Variants in FGF10 observed in about 807,000 individuals in gnomAD.
FGF10 encodes fibroblast growth factor 10.
FGF10 carries 2 observed loss-of-function variants against 19.8 expected under a neutral mutation model. The observed-to-expected ratio is 0.10, with a 90% CI of 0.04 to 0.32. The LOEUF is 0.32. FGF10 is among the 10% of genes least tolerant of loss of function. FGF10 has a pLI of 1.00. For missense variants in FGF10, 191 were observed against 246.3 expected, an observed-to-expected ratio of 0.78 and a Z score of 1.50; for synonymous variants, 112 against 94.0, an observed-to-expected ratio of 1.19 and a Z score of -1.10.
chr5:44,387,888 T>C (rs1216358981), intron 1 of FGF10, among the ~76,000 whole-genome samples: 1 of 152,082 alleles, frequency 6.6e-6, no homozygotes, highest in Non-Finnish European at 1.5e-5. Flanking sequence ...GCCCCTATAA[T>C]TGACAGCGGA....
chr5:44,319,541 T>TA (rs1474971612), intron 1 of FGF10, among the ~76,000 whole-genome samples: 2 of 152,142 alleles, frequency 1.3e-5, no homozygotes, highest in African/African-American at 2.4e-5. Flanking sequence ...TTTAAATACT[T>TA]AATATGGAAT....
At chr5:44,322,432 T>G (rs1027535906) in intron 1 of FGF10, among the ~76,000 whole-genome samples, 1 of 152,186 alleles carries the variant, frequency 6.6e-6, no homozygotes, top group African/African-American at 2.4e-5. Context: ...AGCTGGTACA[T>G]GATCACTTAC....
At position 44,301,816 on chromosome 5, in the gene FGF10, G is replaced by A. The variant is rs777174658; in HGVS notation, c.*3179C>T. Among the ~76,000 whole-genome samples the A allele has an allele frequency of 6.6e-6, 1 of 152,110 alleles. No homozygotes were observed. Among genetic ancestry groups the A allele is most frequent in the Non-Finnish European group, 1.5e-5 (1 of 68,028 alleles). On this transcript the variant is annotated 3_prime_UTR_variant, in exon 3 of 3. Transcript: ENST00000264664. ...CTTGAGCTTCTCTCTTTATTACCAG[G>A]TAGAGTTTCTGACTAATAAAACAAA... is the stretch of plus-strand genomic sequence containing the variant.
chr5:44,308,463 T>C (rs1740133903), intron 2 of FGF10, among the ~76,000 whole-genome samples: 1 of 152,168 alleles, frequency 6.6e-6, no homozygotes, highest in African/African-American at 2.4e-5. Context: ...ATGTGTGTTG[T>C]TATCTCTTCA....
At chr5:44,322,296 C>G (rs1380695026) in intron 1 of FGF10, among the ~76,000 whole-genome samples, 2 of 152,124 alleles carry the variant, frequency 1.3e-5, no homozygotes, top group Admixed American at 1.3e-4. Context: ...TTCAAGTCAG[C>G]AAAAGGGTCT....
At position 44,337,111 on chromosome 5, in the gene FGF10, G is replaced by T. The variant is rs187932220; in HGVS notation, c.326-26581C>A. ...CAAAAATAGGCTTTAACATCTAGTG[G>T]TTTCACCTGTGAATGTTATTACATT... On this transcript the variant is annotated intron_variant, in intron 1 of 2. Transcript: ENST00000264664. Among the ~76,000 whole-genome samples, 690 of 150,684 alleles carry T rather than the reference G, an allele frequency of 4.6e-3. 1 individual carries two copies. The highest frequency in any genetic ancestry group is 0.014 in the Middle Eastern group (4 of 292).
intron 1 of FGF10, among the ~76,000 whole-genome samples, chr5:44,315,006 T>C (rs10473353): frequency 0.3 from 44,923 of 151,930 alleles, 6,800 homozygotes; most frequent in Admixed American, 0.4. Context: ...AACATAAATA[T>C]ACAATGGAAT....
Position 44,336,851 on chromosome 5 carries a change from T to C in FGF10, c.326-26321A>G, listed in dbSNP as rs546668451. 3.0e-4 allele frequency among the ~76,000 whole-genome samples: 46 copies of C among 152,280 alleles called. 3 individuals carry two copies. The South Asian group carries it at 8.9e-3, about 29-fold the overall frequency. On this transcript the variant is annotated intron_variant, in intron 1 of 2. Coordinates refer to ENST00000264664, the MANE Select transcript of FGF10 (RefSeq NM_004465.2). ...CAGCAACTTTTCATCTTAGTTACGT[T>C]CCATCTAAGGTGAAATCTAGATAGA...
In FGF10 at chr5:44,342,468, A is replaced by T. The variant is rs143655426; in HGVS notation, c.326-31938T>A. The stretch of plus-strand genomic sequence containing the variant: ...CAAAAATAACTTCAATTGGAGTTCA[A>T]GGGAACAAGGATTTTGGATTAAGAA... On this transcript the variant is annotated intron_variant, in intron 1 of 2. Coordinates refer to ENST00000264664, the MANE Select transcript of FGF10 (RefSeq NM_004465.2). 1.2e-3 allele frequency among the ~76,000 whole-genome samples: 183 copies of T among 151,826 alleles called. 2 individuals carry two copies. Among genetic ancestry groups the T allele is most frequent in the African/African-American group, 4.3e-3 (180 of 41,486 alleles).
chr5:44,375,979 G>A (rs1446027610), intron 1 of FGF10, among the ~76,000 whole-genome samples: 1 of 152,052 alleles, frequency 6.6e-6, no homozygotes, highest in Non-Finnish European at 1.5e-5. Flanking sequence ...ATTGATGAAA[G>A]CATTAATCTG....
chr5:44,321,679 A>G (rs1019199439), intron 1 of FGF10, among the ~76,000 whole-genome samples: 3 of 152,236 alleles, frequency 2.0e-5, no homozygotes, highest in African/African-American at 4.8e-5. Context: ...GGATGTGATT[A>G]AAATTATCAA....
intron 1 of FGF10, among the ~76,000 whole-genome samples, chr5:44,349,472 G>GC (rs1741185206): frequency 4.2e-5 from 1 of 23,842 alleles, no homozygotes; most frequent in Non-Finnish European, 7.9e-5. Context: ...ATATATATCA[G>GC]AATATATATA....
chr5:44,380,280 T>C (rs144230264), intron 1 of FGF10, among the ~76,000 whole-genome samples: 2 of 152,334 alleles, frequency 1.3e-5, no homozygotes, highest in East Asian at 3.9e-4. Context: ...GCTTGACTTT[T>C]ATTATTATTA....
chr5:44,352,932 A>G (rs370257690), intron 1 of FGF10, among the ~76,000 whole-genome samples: 1 of 151,660 alleles, frequency 6.6e-6, no homozygotes, highest in Non-Finnish European at 1.5e-5. Context: ...CTAATATTAT[A>G]TGCTAGGCTT....
chr5:44,385,400 T>C (rs929739785), intron 1 of FGF10, among the ~76,000 whole-genome samples: 3 of 152,192 alleles, frequency 2.0e-5, no homozygotes, highest in Non-Finnish European at 2.9e-5. Context: ...TTATGAATGA[T>C]TGTCTTACTT....
intron 1 of FGF10, among the ~76,000 whole-genome samples, chr5:44,352,965 G>T (rs549099599): frequency 2.9e-3 from 441 of 151,626 alleles, no homozygotes; most frequent in South Asian, 0.011. Context: ...GTTGAGATAC[G>T]TTCTTAGAGA....
chr5:44,354,297 T>C (rs1741297236), intron 1 of FGF10, among the ~76,000 whole-genome samples: 1 of 151,486 alleles, frequency 6.6e-6, no homozygotes, highest in African/African-American at 2.4e-5. Context: ...TGCCTTAATA[T>C]TATAATTAAT....
At chr5:44,341,484 G>A (rs1276242523) in intron 1 of FGF10, among the ~76,000 whole-genome samples, 2 of 146,724 alleles carry the variant, frequency 1.4e-5, no homozygotes, top group African/African-American at 5.4e-5. Context: ...ATAATTCACT[G>A]CCTTGTTATT....
intron 1 of FGF10, among the ~76,000 whole-genome samples, chr5:44,372,581 AG>A (rs1198910762): frequency 3.3e-5 from 5 of 152,292 alleles, no homozygotes; most frequent in Admixed American, 3.3e-4. Flanking sequence ...AAGTAACAGC[AG>A]CTCAAAAATC....
Sources: allele counts gnomAD v4.1 joint callset (sites outside exome capture counted in the v4.1 genomes callset), GRCh38; gene constraint gnomAD v4.1.1; transcripts MANE v1.5; gene names NCBI Gene and HGNC (gene_info 2026-07-23, HGNC 2026-07-21).